Variants in PDE4D observed in about 807,000 individuals in gnomAD.
PDE4D encodes 3',5'-cyclic-AMP phosphodiesterase 4D.
In PDE4D, 24 loss-of-function variants were observed where a neutral mutation model predicts 87.4. That is an observed-to-expected ratio of 0.27 (90% CI 0.20 to 0.39). PDE4D has a LOEUF of 0.39. Ranked by LOEUF, PDE4D falls within the 10% of genes least tolerant of loss-of-function variation. The probability of loss-of-function intolerance (pLI) is 1.00; values close to 1 mark genes in which losing one functional copy is unlikely to be tolerated. For synonymous variants in PDE4D, 384 were observed against 383.2 expected (o/e 1.00, Z -0.02); for missense variants, 714 against 1,041.0 (o/e 0.69, Z 4.32).
At chr5:60,068,003 C>A (rs957774821) in intron 2 of PDE4D, among the ~76,000 whole-genome samples, 4 of 152,132 alleles carry the variant, frequency 2.6e-5, no homozygotes, top group Non-Finnish European at 4.4e-5. Context: ...TAAATCTTAA[C>A]TATTGTGAAT....
intron 1 of PDE4D, among the ~76,000 whole-genome samples, chr5:59,696,588 A>G (rs1417448001): frequency 6.6e-6 from 1 of 152,222 alleles, no homozygotes; most frequent in Non-Finnish European, 1.5e-5. Context: ...TTGGAAAAGT[A>G]AGTACATCTA....
At chr5:60,211,659 T>C (rs561804996) in intron 1 of PDE4D, among the ~76,000 whole-genome samples, 33 of 151,822 alleles carry the variant, frequency 2.2e-4, no homozygotes, top group African/African-American at 7.5e-4. Context: ...TTGTTGTCTA[T>C]GCATCATATG....
intron 2 of PDE4D, among the ~76,000 whole-genome samples, chr5:60,163,099 A>C: frequency 6.6e-6 from 1 of 152,186 alleles, no homozygotes; most frequent in East Asian, 1.9e-4. Context: ...TGAGGGAAAG[A>C]AAAAGAGGTA....
chr5:59,065,418 T>C (rs984351615), intron 5 of PDE4D, among the ~76,000 whole-genome samples: 2 of 152,114 alleles, frequency 1.3e-5, no homozygotes, highest in African/African-American at 4.8e-5. Flanking sequence ...AACATAAGTA[T>C]ACAATCAACA....
intron 1 of PDE4D, among the ~76,000 whole-genome samples, chr5:59,467,931 A>G (rs1379264524): frequency 6.6e-6 from 1 of 152,046 alleles, no homozygotes; most frequent in African/African-American, 2.4e-5. Context: ...CTTCATAGCT[A>G]TACACATGAA....
At chr5:59,141,598 G>A (rs1777893153) in intron 5 of PDE4D, among the ~76,000 whole-genome samples, 1 of 152,192 alleles carries the variant, frequency 6.6e-6, no homozygotes, top group Non-Finnish European at 1.5e-5. Flanking sequence ...GAGACTTATA[G>A]ACCGGGCTTT....
intron 1 of PDE4D, among the ~76,000 whole-genome samples, chr5:59,563,900 T>C (rs756825092): frequency 1.2e-4 from 18 of 152,174 alleles, no homozygotes; most frequent in Non-Finnish European, 2.1e-4. Flanking sequence ...CCAGGAACTA[T>C]AGAGCTGTTG....
At chr5:59,661,203 T>C (rs1303308530) in intron 1 of PDE4D, among the ~76,000 whole-genome samples, 1 of 152,008 alleles carries the variant, frequency 6.6e-6, no homozygotes, top group Non-Finnish European at 1.5e-5. Context: ...TTTCTGGCAA[T>C]ATAAATAATA....
intron 1 of PDE4D, among the ~76,000 whole-genome samples, chr5:59,273,253 T>G (rs2153542428): frequency 6.6e-6 from 1 of 152,000 alleles, no homozygotes; most frequent in South Asian, 2.1e-4. Context: ...TCTGAGCAAT[T>G]TGAGGCCTGT....
intron 3 of PDE4D, among the ~76,000 whole-genome samples, chr5:59,956,833 A>C (rs2152807743): frequency 6.6e-6 from 1 of 152,332 alleles, no homozygotes; most frequent in South Asian, 2.1e-4. Flanking sequence ...TGACTAGTCC[A>C]ATTCCATTGC....
chr5:60,343,452 T>C lies in PDE4D; in HGVS notation c.-90+144490A>G, dbSNP rs1758480553. On this transcript the variant is annotated intron_variant, in intron 1 of 16. Coordinates refer to the PDE4D transcript ENST00000502484. ...CAAATGGCACCAATGATGATAACAA[T>C]GATGATGATGATGACGATGATAATG... Among the ~76,000 whole-genome samples the C allele has an allele frequency of 2.0e-5, 3 of 152,016 alleles. No homozygotes were observed. In the South Asian group the frequency reaches 6.2e-4, roughly 31 times the overall value.
intron 1 of PDE4D, among the ~76,000 whole-genome samples, chr5:59,547,575 C>T (rs1417671464): frequency 2.0e-5 from 3 of 151,872 alleles, no homozygotes; most frequent in Non-Finnish European, 4.4e-5. Flanking sequence ...TTCCTTTTTC[C>T]TTTCAAAATA....
chr5:60,279,460 CA>C lies in PDE4D; in HGVS notation c.-89-93774del, dbSNP rs561584975. On this transcript the variant is annotated intron_variant, in intron 1 of 16. Transcript: ENST00000502484. Reference sequence around the variant, plus strand: ...ACATTGGGGTACTTCATCAGAATCTCAAAAAAGTAAAAACCTAAGCTCCCGA... The same window carrying C: ...ACATTGGGGTACTTCATCAGAATCTCAAAAAGTAAAAACCTAAGCTCCCGA... Among the ~76,000 whole-genome samples the C allele has an allele frequency of 3.2e-3, 492 of 152,092 alleles. 4 individuals are homozygous for C. The highest frequency in any genetic ancestry group is 0.011 in the African/African-American group (464 of 41,516).
At chr5:60,107,955 G>A (rs1777197516) in intron 2 of PDE4D, among the ~76,000 whole-genome samples, 1 of 152,132 alleles carries the variant, frequency 6.6e-6, no homozygotes, top group African/African-American at 2.4e-5. Context: ...GCACAAGACA[G>A]GGATGCCTTC....
intron 2 of PDE4D, among the ~76,000 whole-genome samples, chr5:60,123,199 G>A (rs545406899): frequency 3.6e-4 from 55 of 152,244 alleles, no homozygotes; most frequent in African/African-American, 1.1e-3. Context: ...TCTCCAAACT[G>A]TTTCAACCTC....
intron 1 of PDE4D, among the ~76,000 whole-genome samples, chr5:59,767,477 T>C (rs1414334251): frequency 7.0e-6 from 1 of 142,612 alleles, no homozygotes; most frequent in Non-Finnish European, 1.6e-5. Context: ...GTTTTTCTTC[T>C]TTTTTTTTTT....
intron 1 of PDE4D, among the ~76,000 whole-genome samples, chr5:59,846,362 C>A (rs552623644): frequency 3.9e-5 from 6 of 152,008 alleles, no homozygotes; most frequent in African/African-American, 7.2e-5. Context: ...GCTGTCAGAT[C>A]GGAGAAGAAT....
chr5:59,323,873 T>A (rs1047292913), intron 1 of PDE4D, among the ~76,000 whole-genome samples: 12 of 152,104 alleles, frequency 7.9e-5, no homozygotes, highest in Non-Finnish European at 1.8e-4. Context: ...AAGTAGAAAT[T>A]TCTATGTGAC....
intron 1 of PDE4D, among the ~76,000 whole-genome samples, chr5:59,637,139 G>T (rs1832346714): frequency 6.6e-6 from 1 of 152,102 alleles, no homozygotes; most frequent in African/African-American, 2.4e-5. Flanking sequence ...ACAAGCATAT[G>T]AAAAAAGCTC....
Sources: allele counts gnomAD v4.1 joint callset (sites outside exome capture counted in the v4.1 genomes callset), GRCh38; gene constraint gnomAD v4.1.1; transcripts MANE v1.5; gene names NCBI Gene and HGNC (gene_info 2026-07-23, HGNC 2026-07-21).